FAT2: variants seen among roughly 807,000 people sequenced by gnomAD.
FAT2 encodes protocadherin Fat 2.
FAT2 carries 150 observed loss-of-function variants against 295.3 expected under a neutral mutation model. The observed-to-expected ratio is 0.51, with a 90% CI of 0.44 to 0.58. FAT2 has a LOEUF of 0.58. Among genes scored for constraint, FAT2 ranks in the 20% least tolerant of loss-of-function variants. The pLI, the probability that FAT2 is intolerant of heterozygous loss-of-function variation, is 0.00. For synonymous variants in FAT2, 2,026 were observed against 2,150.3 expected (o/e 0.94, Z 1.60); for missense variants, 4,868 against 5,442.7 (o/e 0.89, Z 3.32).
In FAT2 at chr5:151,577,761, G is replaced by A. The variant is rs575231090; in HGVS notation, c.-20-8810C>T. Among the ~76,000 whole-genome samples the A allele has an allele frequency of 1.1e-4, 16 of 152,266 alleles. No individual in the cohort carries two copies. In the South Asian group the frequency reaches 1.9e-3, roughly 18 times the overall value. ...TTTTCAAGTTTGCAGATCCTGATACGCAATGAGGCCCAAAGAGAGGAAGAG... is the reference window on the plus strand; with the variant it reads ...TTTTCAAGTTTGCAGATCCTGATACACAATGAGGCCCAAAGAGAGGAAGAG... On this transcript the variant is annotated intron_variant, in intron 1 of 23. Transcript: ENST00000261800.
At chr5:151,549,149 A>C in intron 9 of FAT2, 146 bp downstream of exon 9, 1 of 675,370 alleles carries the variant, frequency 1.5e-6, no homozygotes, top group Non-Finnish European at 2.5e-6. Flanking sequence ...TAATTTAGGT[A>C]GTCCCAGGGA....
rs1561855680 is a variant in FAT2 at position 151,545,964 on chromosome 5, C to A, written c.5163G>T (p.Glu1721Asp). The change falls in exon 10 of 24, where the codon GAG (glutamate) becomes GAT (aspartate). Residue 1721 changes from glutamate to aspartate, a missense_variant. By Grantham distance (45) the Glu-to-Asp change is conservative. Transcript: ENST00000261800. ...LISTQKKLDHEKISSYQLKIR... is the reference protein window; with the variant it reads ...LISTQKKLDHDKISSYQLKIR... ...TTTTCAGCTGGTAAGACGAGATTTT[C>A]TCATGGTCCAATTTCTTCTGGGTGG... The A allele has an allele frequency of 9.9e-6, 16 of 1,614,172 alleles. No homozygotes were observed. Among genetic ancestry groups the A allele is most frequent in the Non-Finnish European group, 1.1e-5 (13 of 1,180,028 alleles).
At position 151,529,407 on chromosome 5, in the gene FAT2, G is replaced by C; in HGVS notation, c.9812-15C>G. 9.9e-6 allele frequency: 16 copies of C among 1,611,964 alleles called. No homozygotes were observed. Among genetic ancestry groups the C allele is most frequent in the Non-Finnish European group, 1.4e-5 (16 of 1,178,934 alleles). Reference sequence around the variant, plus strand: ...ATACAGGATCCCTGAAGAAGCAAGAGGTGACAGCAGCAATGAGGCAGTTGG... The same window carrying C: ...ATACAGGATCCCTGAAGAAGCAAGACGTGACAGCAGCAATGAGGCAGTTGG... On this transcript the variant is annotated splice_polypyrimidine_tract_variant and intron_variant, in intron 14 of 23. Transcript: ENST00000261800.
Position 151,512,723 on chromosome 5 carries a change from G to A in FAT2, c.11464-117C>T. The A allele has an allele frequency of 1.1e-6, 1 of 937,402 alleles. No homozygotes were observed. The highest frequency in any genetic ancestry group is 1.6e-6 in the Non-Finnish European group (1 of 627,608). 58.1% of individuals were successfully genotyped at this position (937,402 alleles called of 1,614,324 possible). A position where few individuals can be genotyped will look rare whatever the true frequency, so the allele number is the denominator to read the frequency against. ...TTTTATGGGTAGGAGGGGGGTGTTT[G>A]GCTGTTTTAGACATGGCATTTGCAG... On this transcript the variant is annotated intron_variant, in intron 20 of 23. Transcript: ENST00000261800. The surrounding 1 kb of genome is among the most constrained non-coding windows in gnomAD (Gnocchi z 4.1).
chr5:151,565,644 G>A (rs751541024), intron 2 of FAT2, 29 bp downstream of exon 2: 3 of 1,526,872 alleles, frequency 2.0e-6, no homozygotes, highest in Non-Finnish European at 2.6e-6. Context: ...CTCTGGCCCT[G>A]GCACCCCACC....
chr5:151,571,179 T>C (rs1348696900), intron 1 of FAT2, among the ~76,000 whole-genome samples: 4 of 151,510 alleles, frequency 2.6e-5, no homozygotes, highest in Admixed American at 2.6e-4. Context: ...CTGCAGCCCA[T>C]AGTGGGGCCA....
At chr5:151,549,740 AAGAC>A (rs1477119281) in intron 8 of FAT2, among the ~76,000 whole-genome samples, 6 of 152,220 alleles carry the variant, frequency 3.9e-5, no homozygotes, top group African/African-American at 1.4e-4. Context: ...TTTTAGGAGA[AAGAC>A]AGAAATAGGC....
Position 151,549,440 on chromosome 5 carries a change from TC to T in FAT2, c.4643del (p.Gly1548GlufsTer21). 1 of 1,614,158 alleles carries T rather than the reference TC, an allele frequency of 6.2e-7. No homozygotes were observed. The highest frequency in any genetic ancestry group is 8.5e-7 in the Non-Finnish European group (1 of 1,180,014). On this transcript the variant is annotated frameshift_variant, in exon 9 of 24. Coordinates refer to ENST00000261800, the MANE Select transcript of FAT2 (RefSeq NM_001447.3). LOFTEE classifies it high-confidence loss of function. ...GAGTGAAGCGGGGTGGGTGGAGGTT[TC>T]CATCCTCCACATGAATGGTCACCCA... is the stretch of plus-strand genomic sequence containing the variant. ...FVWVTIHVED[G>X]NLHPPRFTQL... is the part of the protein sequence containing the mutation.
intron 1 of FAT2, among the ~76,000 whole-genome samples, chr5:151,572,971 A>G (rs1758592932): frequency 6.6e-6 from 1 of 152,268 alleles, no homozygotes; most frequent in South Asian, 2.1e-4. Flanking sequence ...GCACATTTAC[A>G]AGAGGGCACA....
intron 3 of FAT2, among the ~76,000 whole-genome samples, chr5:151,560,535 C>A (rs1199379173): frequency 3.3e-5 from 5 of 152,198 alleles, no homozygotes; most frequent in African/African-American, 1.2e-4. Flanking sequence ...TCCCACCCTC[C>A]AGCTCAGCAT....
Position 151,543,828 on chromosome 5 carries a change from C to T in FAT2, c.7299G>A (p.Ser2433=), listed in dbSNP as rs370553564. The T allele has an allele frequency of 1.4e-5, 22 of 1,614,032 alleles. No individual in the cohort carries two copies. Among genetic ancestry groups the T allele is most frequent in the African/African-American group, 1.2e-4 (9 of 75,020 alleles). Residue 2433 remains serine, a synonymous_variant, in exon 10 of 24, where the codon TCG becomes TCA. Coordinates refer to ENST00000261800, the MANE Select transcript of FAT2 (RefSeq NM_001447.3). ...AAAGGTTGAACATAGAAATTATTCC[C>T]GATGAGCTGTTAATGAAGAAGTGCC... The part of the protein sequence containing the change: ...QDRHFFINSS[S]GIISMFNLCK...
In FAT2 at chr5:151,515,970, C is replaced by T. The variant is rs368062204; in HGVS notation, c.11463+1650G>A. ...TTCATAGATATGCCCCATCCCATTACGTCTCTGACCAACTCCTCCTCCTAC... is the reference window on the plus strand; with the variant it reads ...TTCATAGATATGCCCCATCCCATTATGTCTCTGACCAACTCCTCCTCCTAC... On this transcript the variant is annotated intron_variant, in intron 20 of 23. Transcript: ENST00000261800. 6.6e-5 allele frequency among the ~76,000 whole-genome samples: 10 copies of T among 152,330 alleles called. No homozygotes were observed. In the South Asian group the frequency reaches 1.0e-3, roughly 16 times the overall value.
In FAT2 at chr5:151,505,920, A is replaced by T. The variant is rs757254130; in HGVS notation, c.12695T>A (p.Met4232Lys). 6 of 1,587,676 alleles carry T rather than the reference A, an allele frequency of 3.8e-6. No homozygotes were observed. Among genetic ancestry groups the T allele is most frequent in the Non-Finnish European group, 5.1e-6 (6 of 1,168,962 alleles). Residue 4232 changes from methionine to lysine, a missense_variant, in exon 24 of 24, where the codon ATG becomes AAG. By Grantham distance (95) the Met-to-Lys change is moderately conservative. Around this residue, in one of 5 missense-constraint regions of FAT2, gnomAD observed 492 missense variants for 482.6 expected, o/e 1.02. Transcript: ENST00000261800. ...TGGGAGAGGTGCCCGCTTGTTTTCC[A>T]TCTCCAGGGGGAAGGGGAAGCCCCC... Reference protein sequence around the residue: ...LYGGFPFPLEMENKRAPLPPR... With the variant: ...LYGGFPFPLEKENKRAPLPPR...
At chr5:151,525,991 CAA>C (rs1753943493) in intron 17 of FAT2, 26 bp from the exon 18 acceptor site, 3 of 1,610,356 alleles carry the variant, frequency 1.9e-6, no homozygotes, top group Non-Finnish European at 2.5e-6. Flanking sequence ...ACAAAGAAGG[CAA>C]AGAGCAGAAT....
At chr5:151,539,296 G>A (rs1161393939) in intron 11 of FAT2, among the ~76,000 whole-genome samples, 1 of 152,196 alleles carries the variant, frequency 6.6e-6, no homozygotes. Context: ...GGAAGAAAAG[G>A]TGAGGAGATA....
intron 4 of FAT2, 56 bp from the exon 5 acceptor site, chr5:151,554,729 T>C (rs1011488183): frequency 1.5e-6 from 2 of 1,347,406 alleles, no homozygotes; most frequent in African/African-American, 3.1e-5. Flanking sequence ...TTAGTGACTA[T>C]GCTTTAACAA....
chr5:151,521,892 G>A lies in FAT2; in HGVS notation c.10701C>T (p.Ser3567=), dbSNP rs916015960. 1 of 1,613,980 alleles carries A rather than the reference G, an allele frequency of 6.2e-7. No homozygotes were observed. The change falls in exon 19 of 24, where the codon AGC becomes AGT. Residue 3567 remains serine (S), a synonymous_variant. Coordinates refer to ENST00000261800, the MANE Select transcript of FAT2 (RefSeq NM_001447.3). The stretch of plus-strand genomic sequence containing the variant: ...TGCCCAGGGTCTCCTCTTCTGCCAG[G>A]CTATAGGTCAGCGTGTCCTGGGGGT... The part of the protein sequence containing the change: ...DRDPQDTLTY[S]LAEEETLGRH...
In FAT2 at chr5:151,566,171, TGTC is replaced by T. The variant is rs761563163; in HGVS notation, c.2758_2760del (p.Asp920del). On this transcript the variant is annotated inframe_deletion, in exon 2 of 24. Coordinates refer to ENST00000261800, the MANE Select transcript of FAT2 (RefSeq NM_001447.3). Reference sequence around the variant, plus strand: ...TGTTCTGTGATGCACTGGGGAGAGTTGTCGTTGACATCCTCCAATGTGATTATC... The same window carrying T: ...TGTTCTGTGATGCACTGGGGAGAGTTGTTGACATCCTCCAATGTGATTATC... The T allele has an allele frequency of 1.9e-6, 3 of 1,613,966 alleles. No individual in the cohort carries two copies. The highest frequency in any genetic ancestry group is 2.7e-5 in the African/African-American group (2 of 74,898).
chr5:151,556,374 G>A lies in FAT2; in HGVS notation c.3603C>T (p.Asp1201=), dbSNP rs747024631. ...GGATGTGTTCATCCTTGTTCTCTCTGTCCAGCTGCTGGGCTGTAGATAGGA... is the reference window on the plus strand; with the variant it reads ...GGATGTGTTCATCCTTGTTCTCTCTATCCAGCTGCTGGGCTGTAGATAGGA... The part of the protein sequence containing the change: ...TGLLSTAQQL[D]RENKDEHILE... The change falls in exon 4 of 24, where the codon GAC becomes GAT. Residue 1201 remains aspartate, a synonymous_variant. Transcript: ENST00000261800. 2 of 1,613,784 alleles carry A rather than the reference G, an allele frequency of 1.2e-6. No homozygotes were observed. Among genetic ancestry groups the A allele is most frequent in the East Asian group, 2.2e-5 (1 of 44,874 alleles).
Sources: gnomAD v4.1 joint callset for allele counts (sites outside exome capture counted in the v4.1 genomes callset) on GRCh38, gnomAD v4.1.1 for gene constraint, gnomAD v4.1.1 regional missense constraint, Gnocchi (gnomAD v3.1) non-coding constraint, MANE v1.5 for transcripts, NCBI Gene and HGNC (gene_info 2026-07-23, HGNC 2026-07-21) for gene names.